The following BEND2 variants were observed in gnomAD, a reference collection of about 807,000 sequenced individuals.
BEND2 encodes the protein BEN domain-containing protein 2.
Under a neutral mutation model 43.8 loss-of-function variants are expected in BEND2, and 19 were observed. The ratio of observed to expected loss-of-function variants is 0.43; its 90% CI spans 0.30 to 0.64. The LOEUF (loss-of-function observed/expected upper bound fraction) is 0.64. BEND2 is among the 30% of genes least tolerant of loss of function. The pLI is 0.11. For missense variants in BEND2, 544 were observed against 574.0 expected, an observed-to-expected ratio of 0.95 and a Z score of 0.53; for synonymous variants, 226 against 210.1, an observed-to-expected ratio of 1.08 and a Z score of -0.66.
At chrX:18,196,160 G>A (rs910006416) in intron 6 of BEND2, among the ~76,000 whole-genome samples, 3 of 109,718 alleles carry the variant, frequency 2.7e-5, no homozygotes, top group Non-Finnish European at 5.7e-5. Context: ...TTTGCCGGGT[G>A]TGGTGGTGGG....
chrX:18,210,235 A>G (rs1925463114), intron 4 of BEND2, among the ~76,000 whole-genome samples: 1 of 111,635 alleles, frequency 9.0e-6, no homozygotes, highest in Non-Finnish European at 1.9e-5. Context: ...CTTTCTTGGA[A>G]TATATTTGGC....
intron 11 of BEND2, 123 bp downstream of exon 11, chrX:18,175,849 C>G (rs1924129028): frequency 3.2e-6 from 2 of 625,023 alleles, no homozygotes; most frequent in South Asian, 1.4e-4. Context: ...TCCCATGCCC[C>G]CTAAGTTAAT....
chrX:18,220,756 G>A lies in BEND2; in HGVS notation c.-6C>T. The A allele has an allele frequency of 2.5e-6, 3 of 1,208,693 alleles. No individual in the cohort carries two copies. Among genetic ancestry groups the A allele is most frequent in the Non-Finnish European group, 2.2e-6 (2 of 893,719 alleles). Reference sequence around the variant, plus strand: ...TCCTGGGTCCTCTCTGACATCGTGAGATGGCGGGGTCTGGCTCTGAGGCCC... The same window carrying A: ...TCCTGGGTCCTCTCTGACATCGTGAAATGGCGGGGTCTGGCTCTGAGGCCC... On this transcript the variant is annotated 5_prime_UTR_variant, in exon 1 of 14. Transcript: ENST00000380033.
chrX:18,203,226 A>G (rs1385590576), intron 5 of BEND2, among the ~76,000 whole-genome samples: 1 of 110,631 alleles, frequency 9.0e-6, no homozygotes, highest in African/African-American at 3.3e-5. Flanking sequence ...GTAGGAACAT[A>G]CAAACTTTCT....
intron 6 of BEND2, among the ~76,000 whole-genome samples, chrX:18,196,106 C>G (rs1294262395): frequency 4.5e-5 from 5 of 110,592 alleles, no homozygotes; most frequent in Admixed American, 1.9e-4. Context: ...CAAGACCAGC[C>G]TAGCCAACAT....
chrX:18,177,668 G>T lies in BEND2; in HGVS notation c.1531C>A (p.Arg511Ser). 1.7e-6 allele frequency: 2 copies of T among 1,210,369 alleles called. No individual in the cohort carries two copies. The part of the protein sequence containing the change: ...KPKQAACYLV[R>S]ILFSKEILIS... ...AGGATTTCCTTGGAGAACAAAATAC[G>T]AACCAAGTAGCAGGCTGCTTGCTTA... Residue 511 changes from arginine to serine, a missense_variant, in exon 10 of 14, where the codon CGT (arginine) becomes AGT (serine). By Grantham distance (110) the Arg-to-Ser change is moderately radical. This residue lies in a region of BEND2 where 501 missense variants were observed against 501.6 expected (regional missense o/e 1.00). Transcript: ENST00000380033.
chrX:18,202,475 C>T (rs1925198553), intron 5 of BEND2, among the ~76,000 whole-genome samples: 1 of 111,655 alleles, frequency 9.0e-6, no homozygotes, highest in African/African-American at 3.3e-5. Flanking sequence ...GGATGGAGGC[C>T]CTTATAAAAG....
chrX:18,184,566 G>A (rs905990654), intron 8 of BEND2, among the ~76,000 whole-genome samples: 2 of 111,940 alleles, frequency 1.8e-5, no homozygotes, highest in South Asian at 3.8e-4. Context: ...ACCTCTACAA[G>A]TCTTCAAGAG....
chrX:18,216,852 T>C lies in BEND2; in HGVS notation c.26-119A>G, dbSNP rs766616619. 14 of 565,102 alleles carry C rather than the reference T, an allele frequency of 2.5e-5. No homozygotes were observed. The South Asian group carries it at 4.0e-4, about 16-fold the overall frequency. The allele number at this position is 565,102 out of a possible 1,213,427, so 46.6% of individuals were successfully genotyped here. Reference sequence around the variant, plus strand: ...AAAACATATTTTAGCTGAAAATTTGTATTACATATTTTTATATCTGTAATC... The same window carrying C: ...AAAACATATTTTAGCTGAAAATTTGCATTACATATTTTTATATCTGTAATC... On this transcript the variant is annotated intron_variant, in intron 1 of 13. Transcript: ENST00000380033.
chrX:18,204,253 T>A (rs914651902), intron 4 of BEND2, among the ~76,000 whole-genome samples: 15 of 112,444 alleles, frequency 1.3e-4, no homozygotes, highest in African/African-American at 4.5e-4. Context: ...CTGTCAGACC[T>A]AAACTTCAGC....
chrX:18,185,460 G>C (rs1282436595), intron 8 of BEND2, among the ~76,000 whole-genome samples: 1 of 108,560 alleles, frequency 9.2e-6, no homozygotes, highest in Non-Finnish European at 1.9e-5. Context: ...GAACCCGGGA[G>C]GTGGAAGTTG....
intron 11 of BEND2, among the ~76,000 whole-genome samples, chrX:18,175,507 A>C (rs1924115496): frequency 8.9e-6 from 1 of 112,155 alleles, no homozygotes; most frequent in East Asian, 2.8e-4. Context: ...AAATATCTGT[A>C]ATCGTTTAAC....
chrX:18,174,578 A>G (rs1299534401), intron 11 of BEND2, among the ~76,000 whole-genome samples: 1 of 111,824 alleles, frequency 8.9e-6, no homozygotes, highest in African/African-American at 3.2e-5. Context: ...TTTCTTGGGG[A>G]TGACCACTTT....
At chrX:18,214,802 C>A in intron 2 of BEND2, among the ~76,000 whole-genome samples, 2 of 60,392 alleles carry the variant, frequency 3.3e-5, no homozygotes. Flanking sequence ...CAGAGAGAGA[C>A]TCTGTCTCAA....
At chrX:18,174,341 C>T (rs1473053072) in intron 11 of BEND2, 83 bp from the exon 12 acceptor site, 3 of 892,939 alleles carry the variant, frequency 3.4e-6, no homozygotes, top group Non-Finnish European at 4.8e-6. Flanking sequence ...CCAGGCCCAC[C>T]AGGTTGCTAG....
At chrX:18,183,889 G>C (rs1006590606) in intron 8 of BEND2, among the ~76,000 whole-genome samples, 14 of 111,837 alleles carry the variant, frequency 1.3e-4, no homozygotes, top group Non-Finnish European at 2.4e-4. Context: ...TCCAGGCCCT[G>C]GTTTCTGATT....
In BEND2 at chrX:18,163,256, T is replaced by G. The variant is rs1923741438; in HGVS notation, c.*1753A>C. On this transcript the variant is annotated 3_prime_UTR_variant, in exon 14 of 14. Coordinates refer to ENST00000380033, the MANE Select transcript of BEND2 (RefSeq NM_153346.5). Reference sequence around the variant, plus strand: ...ACAAAATGTGATTTTAAAGAAGTTATGTGTATATTATTCCTCTTCAAGCCA... The same window carrying G: ...ACAAAATGTGATTTTAAAGAAGTTAGGTGTATATTATTCCTCTTCAAGCCA... The G allele has an allele frequency of 8.9e-6, 1 of 112,049 alleles. No homozygotes were observed. The highest frequency in any genetic ancestry group is 9.5e-5 in the Admixed American group (1 of 10,525). The allele number at this position is 112,049 out of a possible 1,213,427, so 9.2% of individuals were successfully genotyped here.
chrX:18,210,496 C>T (rs375693951), intron 4 of BEND2, among the ~76,000 whole-genome samples: 1 of 112,168 alleles, frequency 8.9e-6, no homozygotes, highest in East Asian at 2.8e-4. Flanking sequence ...GATATATTTG[C>T]AGAATTGTGT....
At chrX:18,216,074 T>C (rs950239513) in intron 2 of BEND2, among the ~76,000 whole-genome samples, 2 of 111,516 alleles carry the variant, frequency 1.8e-5, no homozygotes, top group African/African-American at 6.5e-5. Context: ...TATATTAACC[T>C]GTTTCCTGCA....
Sources: allele counts gnomAD v4.1 joint callset (sites outside exome capture counted in the v4.1 genomes callset), GRCh38; gene constraint gnomAD v4.1.1; regional missense constraint gnomAD v4.1.1; transcripts MANE v1.5; gene names NCBI Gene and HGNC (gene_info 2026-07-23, HGNC 2026-07-21).